Variants in CA3 observed in about 807,000 individuals in gnomAD.
CA3 encodes the protein carbonic anhydrase 3, also known as CA-III.
Under a neutral mutation model 35.7 loss-of-function variants are expected in CA3, and 30 were observed. The ratio of observed to expected loss-of-function variants is 0.84; its 90% CI spans 0.63 to 1.14. The LOEUF is 1.14. Among genes scored for constraint, CA3 ranks in the 50% most tolerant of loss-of-function variants. The pLI, the probability that CA3 is intolerant of heterozygous loss-of-function variation, is 0.00. For synonymous variants in CA3, 131 were observed against 130.8 expected (o/e 1.00, Z -0.01); for missense variants, 295 against 328.5 (o/e 0.90, Z 0.79).
chr8:85,446,179 G>T lies in CA3; in HGVS notation c.545G>T (p.Cys182Phe), dbSNP rs1428818561. 3.1e-6 allele frequency: 5 copies of T among 1,613,020 alleles called. No homozygotes were observed. In the Admixed American group the frequency reaches 5.0e-5, roughly 16 times the overall value. The change falls in exon 6 of 7, where the codon TGC becomes TTC. Residue 182 changes from cysteine to phenylalanine, a missense_variant. Cys to Phe is a radical substitution (Grantham distance 205). Transcript: ENST00000285381. ...CCCTTCACAAAGTTTGACCCATCCT[G>T]CCTGTTCCCGGCATGCCGGGACTAC... ...EAPFTKFDPS[C>F]LFPACRDYWT...
chr8:85,439,284 C>T (rs1200440850), intron 1 of CA3, among the ~76,000 whole-genome samples: 1 of 152,106 alleles, frequency 6.6e-6, no homozygotes, highest in African/African-American at 2.4e-5. Context: ...AAGCACCTAA[C>T]CTGAGCTTGG....
intron 3 of CA3, among the ~76,000 whole-genome samples, chr8:85,443,188 G>C (rs543057865): frequency 6.6e-6 from 1 of 152,242 alleles, no homozygotes; most frequent in African/African-American, 2.4e-5. Context: ...ACTACTCTCT[G>C]TCTCAGTTAA....
intron 2 of CA3, among the ~76,000 whole-genome samples, chr8:85,440,119 A>G (rs760513214): frequency 3.3e-5 from 5 of 152,208 alleles, no homozygotes; most frequent in Non-Finnish European, 4.4e-5. Context: ...TCTCTGTGAA[A>G]ACGGCCCCAT....
intron 2 of CA3, among the ~76,000 whole-genome samples, chr8:85,440,580 A>C (rs1293768650): frequency 6.6e-6 from 1 of 152,244 alleles, no homozygotes; most frequent in African/African-American, 2.4e-5. Context: ...ACTAGTAAGC[A>C]AATCAGTATA....
intron 1 of CA3, 87 bp downstream of exon 1, chr8:85,439,030 AC>A (rs1470870034): frequency 5.3e-6 from 7 of 1,314,506 alleles, no homozygotes; most frequent in Non-Finnish European, 7.5e-6. Flanking sequence ...AACTTTAGAG[AC>A]TGCAGTGGAA....
At chr8:85,440,768 A>T (rs890323644) in intron 2 of CA3, among the ~76,000 whole-genome samples, 11 of 152,180 alleles carry the variant, frequency 7.2e-5, no homozygotes, top group Non-Finnish European at 1.6e-4. Context: ...GTAATGAAGA[A>T]TGATATTCAT....
In CA3 at chr8:85,438,907, A is replaced by C; in HGVS notation, c.-3A>C. 6 of 1,551,084 alleles carry C rather than the reference A, an allele frequency of 3.9e-6. No individual in the cohort carries two copies. Among genetic ancestry groups the C allele is most frequent in the Non-Finnish European group, 5.2e-6 (6 of 1,146,984 alleles). ...GAGCCGTCCAGCACGGAGGAAGGCGACCATGGCCAAGGAGTGGGGCTACGC... is the reference window on the plus strand; with the variant it reads ...GAGCCGTCCAGCACGGAGGAAGGCGCCCATGGCCAAGGAGTGGGGCTACGC... On this transcript the variant is annotated 5_prime_UTR_variant, in exon 1 of 7. Transcript: ENST00000285381.
At chr8:85,445,856 C>T (rs1811281425) in intron 5 of CA3, among the ~76,000 whole-genome samples, 1 of 152,118 alleles carries the variant, frequency 6.6e-6, no homozygotes, top group Non-Finnish European at 1.5e-5. Flanking sequence ...CTTGAGATAT[C>T]AGTTTCTCCT....
intron 6 of CA3, among the ~76,000 whole-genome samples, chr8:85,447,472 G>A (rs1209987220): frequency 6.6e-6 from 1 of 152,230 alleles, no homozygotes; most frequent in Non-Finnish European, 1.5e-5. Context: ...AGAGGGCACA[G>A]TGATCCTGTA....
chr8:85,441,444 A>T (rs1811204756), intron 2 of CA3, among the ~76,000 whole-genome samples: 1 of 152,242 alleles, frequency 6.6e-6, no homozygotes, highest in Non-Finnish European at 1.5e-5. Flanking sequence ...TTAGACGTAG[A>T]TGAAAGTTTT....
At chr8:85,439,035 A>C (rs927109182) in intron 1 of CA3, 92 bp downstream of exon 1, 1 of 1,275,348 alleles carries the variant, frequency 7.8e-7, no homozygotes, top group Non-Finnish European at 1.1e-6. Flanking sequence ...TAGAGACTGC[A>C]GTGGAAAATG....
At chr8:85,442,926 G>T (rs1240696721) in intron 3 of CA3, among the ~76,000 whole-genome samples, 2 of 152,204 alleles carry the variant, frequency 1.3e-5, no homozygotes, top group Non-Finnish European at 2.9e-5. Context: ...CGGCTGGTGA[G>T]TGCTAGTGCT....
intron 1 of CA3, among the ~76,000 whole-genome samples, chr8:85,439,418 A>G (rs2130498169): frequency 6.6e-6 from 1 of 152,104 alleles, no homozygotes; most frequent in Admixed American, 6.5e-5. Flanking sequence ...TTTTATTCCA[A>G]CTCTATGATG....
intron 2 of CA3, among the ~76,000 whole-genome samples, chr8:85,441,481 G>A (rs1811205723): frequency 6.6e-6 from 1 of 152,228 alleles, no homozygotes; most frequent in South Asian, 2.1e-4. Flanking sequence ...GAAAAGTGTA[G>A]TTGGAAGCAA....
chr8:85,442,218 T>G (rs369057109), intron 3 of CA3, 27 bp downstream of exon 3: 148 of 1,184,070 alleles, frequency 1.2e-4, no homozygotes, highest in Non-Finnish European at 1.8e-4. Flanking sequence ...TAATCCATTC[T>G]CGGTCTCATA....
rs778269332 is a variant in CA3, at chr8:85,439,956, A to G, written c.232+47A>G. 50 of 1,467,062 alleles carry G rather than the reference A, an allele frequency of 3.4e-5. No individual in the cohort carries two copies. The East Asian group carries it at 1.1e-3, about 33-fold the overall frequency. The allele number at this position is 1,467,062 out of a possible 1,614,324, so 90.9% of individuals were successfully genotyped here. ...AATCACATGGATGTTTTCAAGGTCC[A>G]TATTGACAAAATGTGGTTTATGACA... is the stretch of plus-strand genomic sequence containing the variant. On this transcript the variant is annotated intron_variant, in intron 2 of 6. Transcript: ENST00000285381.
intron 4 of CA3, 23 bp downstream of exon 4, chr8:85,444,149 A>G (rs1289034198): frequency 2.0e-6 from 3 of 1,471,548 alleles, no homozygotes; most frequent in Admixed American, 3.4e-5. Context: ...TTGACTATAT[A>G]TTTTCTTCCA....
chr8:85,442,105 C>T lies in CA3; in HGVS notation c.265C>T (p.Arg89Ter), dbSNP rs377151699. 12 of 1,603,960 alleles carry T rather than the reference C, an allele frequency of 7.5e-6. No individual in the cohort carries two copies. The highest frequency in any genetic ancestry group is 1.7e-5 in the Admixed American group (1 of 59,988). Residue 89 changes from arginine (R) to a stop codon, truncating the protein, a stop_gained, in exon 3 of 7, where the codon CGA becomes TGA. Transcript: ENST00000285381. LOFTEE classifies it high-confidence loss of function. ...AGGGGGTCCTCTCCCTGGACCCTAC[C>T]GACTTCGCCAGTTTCATCTTCACTG... ...LRGGPLPGPY[R>*]LRQFHLHWGS... is the part of the protein sequence containing the mutation.
chr8:85,442,180 T>C lies in CA3; in HGVS notation c.340T>C (p.Tyr114His), dbSNP rs747934751. 6 of 1,565,622 alleles carry C rather than the reference T, an allele frequency of 3.8e-6. No individual in the cohort carries two copies. The Admixed American group carries it at 6.7e-5, about 17-fold the overall frequency. Residue 114 changes from tyrosine (Y) to histidine (H), a missense_variant, in exon 3 of 7, where the codon TAT becomes CAT. Coordinates refer to ENST00000285381, the MANE Select transcript of CA3 (RefSeq NM_005181.4). ...GSEHTVDGVK[Y>H]AAELHLVHWN... ...TGAGCACACCGTGGATGGAGTCAAG[T>C]ATGCAGCGGAGGTAAGAGGAACTGC...
Sources: allele counts gnomAD v4.1 joint callset (sites outside exome capture counted in the v4.1 genomes callset), GRCh38; gene constraint gnomAD v4.1.1; transcripts MANE v1.5; gene names NCBI Gene and HGNC (gene_info 2026-07-23, HGNC 2026-07-21).